RAD51AP1: variants seen among roughly 807,000 people sequenced by gnomAD.
The protein encoded by RAD51AP1 is RAD51-associated protein 1.
A neutral mutation model predicts 34.3 loss-of-function variants in RAD51AP1; 14 were observed. The ratio of observed to expected loss-of-function variants is 0.41; its 90% CI spans 0.27 to 0.64. The LOEUF is 0.64. Among genes scored for constraint, RAD51AP1 ranks in the 30% least tolerant of loss-of-function variants. RAD51AP1 has a pLI of 0.33. For synonymous variants in RAD51AP1, 114 were observed against 129.8 expected (o/e 0.88, Z 0.83); for missense variants, 348 against 386.9 (o/e 0.90, Z 0.84).
chr12:4,545,325 A>G (rs2137253649), intron 3 of RAD51AP1: 2 of 378,606 alleles, frequency 5.3e-6, no homozygotes, highest in East Asian at 7.5e-5. Context: ...CACATATTAC[A>G]TGATTTCATT....
At chr12:4,544,855 G>A (rs1200957380) in intron 3 of RAD51AP1, among the ~76,000 whole-genome samples, 1 of 152,140 alleles carries the variant, frequency 6.6e-6, no homozygotes, top group Non-Finnish European at 1.5e-5. Flanking sequence ...TTAGCTGTGA[G>A]GGCAATGCAA....
At chr12:4,547,344 G>A (rs35467270) in intron 4 of RAD51AP1, among the ~76,000 whole-genome samples, 18,893 of 152,194 alleles carry the variant, frequency 0.12, 1,387 homozygotes, top group African/African-American at 0.2. Flanking sequence ...GATTACAGGC[G>A]AGAGCCACCT....
intron 3 of RAD51AP1, 45 bp from the exon 4 acceptor site, chr12:4,546,264 A>G (rs765229968): frequency 2.2e-6 from 3 of 1,380,622 alleles, no homozygotes; most frequent in Middle Eastern, 2.6e-4. Context: ...TTTAGTTGAG[A>G]TTGATATTTT....
chr12:4,550,783 G>A (rs1398726295), intron 6 of RAD51AP1, among the ~76,000 whole-genome samples: 1 of 152,206 alleles, frequency 6.6e-6, no homozygotes, highest in Admixed American at 6.5e-5. Flanking sequence ...GGGACTACAG[G>A]CATGCGCCAC....
At chr12:4,539,045 G>A (rs988530698) in intron 1 of RAD51AP1, 89 bp downstream of exon 1, 8 of 1,453,080 alleles carry the variant, frequency 5.5e-6, no homozygotes, top group Admixed American at 5.2e-5. Context: ...TAAGACCGGA[G>A]GGCAGCGATG....
intron 3 of RAD51AP1, among the ~76,000 whole-genome samples, chr12:4,545,570 C>G (rs1475923491): frequency 6.6e-6 from 1 of 152,168 alleles, no homozygotes; most frequent in South Asian, 2.1e-4. Context: ...TGAATTATAT[C>G]TTAAGAAAAC....
At chr12:4,558,342 A>G (rs1189088314) in intron 8 of RAD51AP1, among the ~76,000 whole-genome samples, 1 of 152,184 alleles carries the variant, frequency 6.6e-6, no homozygotes, top group African/African-American at 2.4e-5. Flanking sequence ...TACAGTCACC[A>G]TCAACTGTGA....
chr12:4,539,913 T>C (rs1944446854), intron 1 of RAD51AP1, among the ~76,000 whole-genome samples: 1 of 152,168 alleles, frequency 6.6e-6, no homozygotes, highest in South Asian at 2.1e-4. Context: ...CTAAGTTTGC[T>C]TTTATAAAGG....
At chr12:4,551,153 G>A (rs1030753838) in intron 6 of RAD51AP1, among the ~76,000 whole-genome samples, 3 of 151,936 alleles carry the variant, frequency 2.0e-5, no homozygotes, top group Admixed American at 6.6e-5. Context: ...CAAAAAAAGC[G>A]AGCCTGAATC....
At chr12:4,546,007 G>C (rs181714413) in intron 3 of RAD51AP1, among the ~76,000 whole-genome samples, 1 of 152,302 alleles carries the variant, frequency 6.6e-6, no homozygotes, top group African/African-American at 2.4e-5. Flanking sequence ...TTTGGGTTGA[G>C]TAGGGTGTTT....
At chr12:4,557,358 T>C (rs58545752) in intron 8 of RAD51AP1, among the ~76,000 whole-genome samples, 5,502 of 152,228 alleles carry the variant, frequency 0.036, 325 homozygotes, top group African/African-American at 0.12. Context: ...CTACTATTCA[T>C]AGATTTAGGC....
intron 7 of RAD51AP1, 74 bp from the exon 8 acceptor site, chr12:4,556,279 T>A: frequency 1.8e-6 from 2 of 1,109,062 alleles, no homozygotes; most frequent in Non-Finnish European, 2.7e-6. Context: ...AACTTTATAA[T>A]TTTTACACAT....
rs1397517982 is a variant in RAD51AP1 at position 4,543,343 on chromosome 12, G to A, written c.68-420G>A. Among the ~76,000 whole-genome samples the A allele has an allele frequency of 3.3e-5, 5 of 152,196 alleles. No homozygotes were observed. The East Asian group carries it at 7.7e-4, about 23-fold the overall frequency. On this transcript the variant is annotated intron_variant, in intron 2 of 8. Coordinates refer to ENST00000352618, the MANE Select transcript of RAD51AP1 (RefSeq NM_006479.5). ...CCCAAAGTGCTGGGATTACAAGTGT[G>A]AGCCACTGTGCCTGGCCCAAGTAAT... is the stretch of plus-strand genomic sequence containing the variant.
chr12:4,545,669 T>C, intron 3 of RAD51AP1: 1 of 1,037,672 alleles, frequency 9.6e-7, no homozygotes, highest in Non-Finnish European at 1.4e-6. Context: ...GACGTTTTCT[T>C]CCTCTTATAC....
At chr12:4,549,972 C>G (rs570663147) in intron 6 of RAD51AP1, among the ~76,000 whole-genome samples, 23 of 152,200 alleles carry the variant, frequency 1.5e-4, no homozygotes, top group Non-Finnish European at 3.4e-4. Flanking sequence ...AGTGACATTT[C>G]AGTTTTCCCC....
chr12:4,548,689 T>C lies in RAD51AP1; in HGVS notation c.409T>C (p.Leu137=), dbSNP rs753513632. 4.3e-6 allele frequency: 7 copies of C among 1,611,020 alleles called. No individual in the cohort carries two copies. Among genetic ancestry groups the C allele is most frequent in the Non-Finnish European group, 5.9e-6 (7 of 1,179,196 alleles). The change falls in exon 6 of 9, where the codon TTG becomes CTG. Residue 137 remains leucine (L), a splice_region_variant and synonymous_variant. Transcript: ENST00000352618. The stretch of plus-strand genomic sequence containing the variant: ...TGATTTTTATGCCTCTCCTGAAGAT[T>C]TGGATAAGATTACTGTGGAAGATGA... ...NCSVASDYLD[L]DKITVEDDVG... is the part of the protein sequence containing the mutation.
chr12:4,544,598 G>A (rs988024752), intron 3 of RAD51AP1, among the ~76,000 whole-genome samples: 1 of 151,252 alleles, frequency 6.6e-6, no homozygotes, highest in East Asian at 1.9e-4. Context: ...TCTTTTTTTT[G>A]GTTTTTGTTT....
chr12:4,543,965 AGAT>A, intron 3 of RAD51AP1, 61 bp downstream of exon 3: 1 of 1,350,514 alleles, frequency 7.4e-7, no homozygotes, highest in Non-Finnish European at 1.0e-6. Context: ...AAAGAGACAC[AGAT>A]TCGAACCCTT....
chr12:4,539,527 CG>C (rs1944440316), intron 1 of RAD51AP1, among the ~76,000 whole-genome samples: 1 of 152,024 alleles, frequency 6.6e-6, no homozygotes, highest in Non-Finnish European at 1.5e-5. Context: ...CTTTAGTGTA[CG>C]AGGTGCTGGA....
Sources: allele counts gnomAD v4.1 joint callset (sites outside exome capture counted in the v4.1 genomes callset), GRCh38; gene constraint gnomAD v4.1.1; transcripts MANE v1.5; gene names NCBI Gene and HGNC (gene_info 2026-07-23, HGNC 2026-07-21).